The following TPST1 variants were observed in gnomAD, a reference collection of about 807,000 sequenced individuals.
TPST1 encodes tyrosylprotein sulfotransferase 1, also known as protein-tyrosine sulfotransferase 1.
A neutral mutation model predicts 34.8 loss-of-function variants in TPST1; 20 were observed. That is an observed-to-expected ratio of 0.57 (90% CI 0.40 to 0.84). The LOEUF is 0.84. TPST1 is among the 40% of genes least tolerant of loss of function. TPST1 has a pLI of 0.00. For missense variants in TPST1, 353 were observed against 455.5 expected (o/e 0.78, Z 2.05); for synonymous variants, 152 against 159.4 (o/e 0.95, Z 0.35).
intron 2 of TPST1, among the ~76,000 whole-genome samples, chr7:66,271,054 T>C (rs1010640111): frequency 2.0e-5 from 3 of 152,176 alleles, no homozygotes; most frequent in African/African-American, 7.2e-5. Context: ...TTTGCTTTTT[T>C]GGGGCCAGTT....
Position 66,332,339 on chromosome 7 carries a change from C to A in TPST1, c.1045-20166C>A, listed in dbSNP as rs1332872681. Among the ~76,000 whole-genome samples, 1 of 151,682 alleles carries A rather than the reference C, an allele frequency of 6.6e-6. No individual in the cohort carries two copies. The highest frequency in any genetic ancestry group is 1.5e-5 in the Non-Finnish European group (1 of 67,988). On this transcript the variant is annotated intron_variant, in intron 3 of 5. Coordinates refer to ENST00000304842, the MANE Select transcript of TPST1 (RefSeq NM_003596.4). This position sits in a 1 kb window ranked among gnomAD's most constrained non-coding sequence, Gnocchi z 4.5. Reference sequence around the variant, plus strand: ...GCTGGAGTGCAAGGCACAATCTCAGCTCACTGCAACGTCCGTCTCCTGAGT... The same window carrying A: ...GCTGGAGTGCAAGGCACAATCTCAGATCACTGCAACGTCCGTCTCCTGAGT...
chr7:66,231,680 G>A (rs1000656470), intron 1 of TPST1, among the ~76,000 whole-genome samples: 3 of 152,242 alleles, frequency 2.0e-5, no homozygotes, highest in East Asian at 1.9e-4. Flanking sequence ...CAGCTAGCCC[G>A]CAAGCACCAC....
intron 3 of TPST1, among the ~76,000 whole-genome samples, chr7:66,293,282 G>A (rs1225230776): frequency 2.0e-5 from 3 of 151,942 alleles, no homozygotes; most frequent in Non-Finnish European, 2.9e-5. Context: ...GCCGAGATGC[G>A]AGTGAGCCCA....
rs552356602 is a variant in TPST1, at chr7:66,247,407, G to A, written c.845+6137G>A. Among the ~76,000 whole-genome samples the A allele has an allele frequency of 3.9e-5, 6 of 152,276 alleles. No homozygotes were observed. In the East Asian group the frequency reaches 1.2e-3, roughly 29 times the overall value. Reference sequence around the variant, plus strand: ...CGTGCCACTGCACTCCAGCCTGGGTGACAGAGCAAAACTCTGAACAACAAC... The same window carrying A: ...CGTGCCACTGCACTCCAGCCTGGGTAACAGAGCAAAACTCTGAACAACAAC... On this transcript the variant is annotated intron_variant, in intron 2 of 5. Coordinates refer to ENST00000304842, the MANE Select transcript of TPST1 (RefSeq NM_003596.4).
intron 2 of TPST1, among the ~76,000 whole-genome samples, chr7:66,241,627 T>C (rs1790038633): frequency 6.6e-6 from 1 of 152,214 alleles, no homozygotes; most frequent in Non-Finnish European, 1.5e-5. Flanking sequence ...ATTTCTAATT[T>C]CTAGATATTG....
At chr7:66,335,810 G>A (rs543126100) in intron 3 of TPST1, among the ~76,000 whole-genome samples, 10 of 152,162 alleles carry the variant, frequency 6.6e-5, no homozygotes, top group African/African-American at 1.2e-4. Context: ...GTAAAGGCCC[G>A]AAATCACCAA....
intron 3 of TPST1, among the ~76,000 whole-genome samples, chr7:66,345,118 A>G (rs746620711): frequency 2.2e-4 from 33 of 152,130 alleles, no homozygotes; most frequent in Non-Finnish European, 4.0e-4. Context: ...TAGAAGAACC[A>G]TTTGAAGTAA....
intron 3 of TPST1, among the ~76,000 whole-genome samples, chr7:66,347,912 C>G (rs1488298511): frequency 6.6e-6 from 1 of 152,054 alleles, no homozygotes; most frequent in Non-Finnish European, 1.5e-5. Flanking sequence ...GTTATATTAT[C>G]TATAAACAAG....
intron 1 of TPST1, among the ~76,000 whole-genome samples, chr7:66,207,322 C>T (rs1175663732): frequency 6.6e-6 from 1 of 152,186 alleles, no homozygotes; most frequent in East Asian, 1.9e-4. Flanking sequence ...CTTAACTTCA[C>T]AGAATAAATT....
intron 2 of TPST1, among the ~76,000 whole-genome samples, chr7:66,253,286 G>A (rs1790305145): frequency 6.6e-6 from 1 of 152,104 alleles, no homozygotes; most frequent in African/African-American, 2.4e-5. Flanking sequence ...AGAAACCTAG[G>A]GGATTGTCCT....
chr7:66,243,610 A>ATTTTTTTTTTTT (rs10627680), intron 2 of TPST1, among the ~76,000 whole-genome samples: 79 of 123,226 alleles, frequency 6.4e-4, no homozygotes, highest in East Asian at 9.1e-4. Flanking sequence ...TGCCCAGCTA[A>ATTTTTTTTTTTT]TTTTTTTTTT....
At chr7:66,209,455 A>G (rs1346258198) in intron 1 of TPST1, among the ~76,000 whole-genome samples, 1 of 152,230 alleles carries the variant, frequency 6.6e-6, no homozygotes. Context: ...CTTCCTGGGC[A>G]GATCTTACAA....
chr7:66,306,784 C>G (rs890520067), intron 3 of TPST1, among the ~76,000 whole-genome samples: 8 of 152,208 alleles, frequency 5.3e-5, no homozygotes, highest in African/African-American at 1.9e-4. Context: ...ACAATCTTGT[C>G]TCACTGAAAC....
chr7:66,326,028 T>C (rs1361149034), intron 3 of TPST1, among the ~76,000 whole-genome samples: 2 of 152,240 alleles, frequency 1.3e-5, no homozygotes, highest in African/African-American at 4.8e-5. Flanking sequence ...TAATGTTGTA[T>C]CCAGCAGGTT....
chr7:66,293,062 C>T (rs965213800), intron 3 of TPST1, among the ~76,000 whole-genome samples: 2 of 152,012 alleles, frequency 1.3e-5, no homozygotes, highest in Admixed American at 1.3e-4. Flanking sequence ...AAAAATTAGC[C>T]AGGCGTGGTG....
intron 3 of TPST1, among the ~76,000 whole-genome samples, chr7:66,320,414 A>AT (rs1791730219): frequency 1.3e-5 from 2 of 150,014 alleles, no homozygotes; most frequent in Admixed American, 6.7e-5. Context: ...TGCCTGGCTA[A>AT]TTTTTTGTAT....
chr7:66,208,994 T>C (rs1188486886), intron 1 of TPST1, among the ~76,000 whole-genome samples: 1 of 151,962 alleles, frequency 6.6e-6, no homozygotes, highest in Non-Finnish European at 1.5e-5. Flanking sequence ...TGGAAAAGTG[T>C]GTCTTAGGCT....
chr7:66,221,387 G>A (rs923827697), intron 1 of TPST1, among the ~76,000 whole-genome samples: 5 of 152,176 alleles, frequency 3.3e-5, no homozygotes, highest in African/African-American at 9.6e-5. Context: ...CTACATAAAG[G>A]TTCCCTGGTT....
At chr7:66,243,967 G>A (rs1259651990) in intron 2 of TPST1, among the ~76,000 whole-genome samples, 7 of 134,322 alleles carry the variant, frequency 5.2e-5, no homozygotes, top group South Asian at 4.7e-4. Flanking sequence ...TTTTTTCTTC[G>A]AGACGGAGTC....
Sources: gnomAD v4.1 joint callset for allele counts (sites outside exome capture counted in the v4.1 genomes callset) on GRCh38, gnomAD v4.1.1 for gene constraint, Gnocchi (gnomAD v3.1) non-coding constraint, MANE v1.5 for transcripts, NCBI Gene and HGNC (gene_info 2026-07-23, HGNC 2026-07-21) for gene names.